Variants in RELN observed in about 807,000 individuals in gnomAD.
The protein encoded by RELN is reelin.
Under a neutral mutation model 427.6 loss-of-function variants are expected in RELN, and 108 were observed. The ratio of observed to expected loss-of-function variants is 0.25; its 90% CI spans 0.22 to 0.30. The LOEUF (loss-of-function observed/expected upper bound fraction) is 0.30, where lower values mean the gene tolerates loss of function less well. RELN is among the 10% of genes least tolerant of loss of function. The pLI is 1.00. For synonymous variants in RELN, 1,524 were observed against 1,513.4 expected (o/e 1.01, Z -0.16); for missense variants, 3,715 against 4,302.8 (o/e 0.86, Z 3.82).
intron 3 of RELN, among the ~76,000 whole-genome samples, chr7:103,821,476 C>T (rs370607147): frequency 1.3e-4 from 20 of 152,282 alleles, no homozygotes; most frequent in South Asian, 6.2e-4. Context: ...CATGTAAGTA[C>T]TGTATTGCTA....
At position 103,626,773 on chromosome 7, in the gene RELN, T is replaced by A. The variant is rs1233366465; in HGVS notation, c.2702+3167A>T. Among the ~76,000 whole-genome samples, 1 of 152,156 alleles carries A rather than the reference T, an allele frequency of 6.6e-6. No homozygotes were observed. Among genetic ancestry groups the A allele is most frequent in the East Asian group, 1.9e-4 (1 of 5,202 alleles). ...TCCCTTGGTATTATCACTAATAGTA[T>A]TAGATGCAATATTTAATAAACTTCA... On this transcript the variant is annotated intron_variant, in intron 20 of 64. Transcript: ENST00000428762. This position sits in a 1 kb window ranked among gnomAD's most constrained non-coding sequence, Gnocchi z 4.4.
intron 1 of RELN, among the ~76,000 whole-genome samples, chr7:103,966,238 T>C (rs2116804711): frequency 6.6e-6 from 1 of 152,356 alleles, no homozygotes; most frequent in East Asian, 1.9e-4. Context: ...CAGTTCTGGC[T>C]CGCAGGTGGC....
intron 3 of RELN, among the ~76,000 whole-genome samples, chr7:103,816,101 A>G (rs934302378): frequency 3.9e-5 from 6 of 152,252 alleles, no homozygotes; most frequent in African/African-American, 1.4e-4. Context: ...TTCACTGGCC[A>G]GGTGCCATGG....
At chr7:103,512,759 G>A (rs940497843) in intron 50 of RELN, 3 of 152,132 alleles carry the variant, frequency 2.0e-5, no homozygotes, top group African/African-American at 7.2e-5. Context: ...AGTATGCTTT[G>A]ATTTTATAGG....
intron 6 of RELN, among the ~76,000 whole-genome samples, chr7:103,744,889 G>A (rs1790775520): frequency 1.3e-5 from 2 of 152,164 alleles, no homozygotes; most frequent in South Asian, 4.1e-4. Context: ...AATAGAAAAA[G>A]AGGGAATCCT....
At chr7:103,538,459 T>C (rs1462926794) in intron 45 of RELN, among the ~76,000 whole-genome samples, 1 of 152,174 alleles carries the variant, frequency 6.6e-6, no homozygotes, top group Non-Finnish European at 1.5e-5. Flanking sequence ...GTGCATGGTA[T>C]GTGTGAGTGT....
chr7:103,840,143 C>A (rs917441411), intron 2 of RELN, among the ~76,000 whole-genome samples: 2 of 152,190 alleles, frequency 1.3e-5, no homozygotes, highest in Non-Finnish European at 2.9e-5. Context: ...AACCTATTTT[C>A]TTTATAAATT....
At chr7:103,489,425 G>A (rs1387188383) in intron 60 of RELN, among the ~76,000 whole-genome samples, 1 of 152,098 alleles carries the variant, frequency 6.6e-6, no homozygotes, top group Non-Finnish European at 1.5e-5. Context: ...GGGGCAGGGA[G>A]TTATATGAAA....
intron 6 of RELN, among the ~76,000 whole-genome samples, chr7:103,740,047 C>G (rs1471445085): frequency 6.6e-6 from 1 of 152,122 alleles, no homozygotes; most frequent in Non-Finnish European, 1.5e-5. Context: ...TCTGCAGGAA[C>G]AGATAGATGG....
chr7:103,487,660 T>C (rs1828492801), intron 60 of RELN, among the ~76,000 whole-genome samples: 1 of 152,202 alleles, frequency 6.6e-6, no homozygotes, highest in South Asian at 2.1e-4. Flanking sequence ...GGGCCTTGAA[T>C]GTTTACCAAT....
Position 103,561,644 on chromosome 7 carries a change from T to C in RELN, c.5417A>G (p.Asp1806Gly). The change falls in exon 36 of 65, where the codon GAC (aspartate) becomes GGC (glycine). Residue 1806 changes from aspartate (D) to glycine (G), a missense_variant. Around this residue, in one of 4 missense-constraint regions of RELN, gnomAD observed 2,208 missense variants for 2,361.7 expected, o/e 0.93. Transcript: ENST00000428762. ...AGGATGTAAATTCCCATTGAAATCG[T>C]CTTTAAGAATCGAGGGCAGAGGAAC... ...PVVPLPSILK[D>G]DFNGNLHPDL... 2 of 1,613,952 alleles carry C rather than the reference T, an allele frequency of 1.2e-6. No homozygotes were observed. Among genetic ancestry groups the C allele is most frequent in the Non-Finnish European group, 1.7e-6 (2 of 1,179,926 alleles).
chr7:103,833,726 A>G, intron 2 of RELN, 54 bp from the exon 3 acceptor site: 4 of 1,505,324 alleles, frequency 2.7e-6, no homozygotes, highest in Non-Finnish European at 3.7e-6. Context: ...AGATCTTCCT[A>G]TCATGGCATC....
At chr7:103,834,513 G>A (rs1793353747) in intron 2 of RELN, among the ~76,000 whole-genome samples, 1 of 152,174 alleles carries the variant, frequency 6.6e-6, no homozygotes, top group Non-Finnish European at 1.5e-5. Flanking sequence ...GCTCCAAGCT[G>A]AGCTATCAGG....
intron 1 of RELN, among the ~76,000 whole-genome samples, chr7:103,949,449 A>G (rs1796289293): frequency 6.6e-6 from 1 of 151,924 alleles, no homozygotes; most frequent in Non-Finnish European, 1.5e-5. Context: ...GGAGGTAATT[A>G]GGTCATAAAC....
chr7:103,786,002 C>T (rs930061215), intron 3 of RELN, among the ~76,000 whole-genome samples: 5 of 151,632 alleles, frequency 3.3e-5, no homozygotes, highest in African/African-American at 1.2e-4. Context: ...TGATTTCTAA[C>T]CTAGTTAATT....
chr7:103,776,488 G>C, intron 4 of RELN, 69 bp downstream of exon 4: 2 of 1,474,682 alleles, frequency 1.4e-6, no homozygotes, highest in African/African-American at 1.4e-5. Context: ...TGCTTACTTG[G>C]TACATAGAAC....
chr7:103,700,240 T>G lies in RELN; in HGVS notation c.902+670A>C, dbSNP rs980977587. Reference sequence around the variant, plus strand: ...CCTAAAATTAAGTATCCATTTAGAATTTTATTTCATGGTTTAAACTGTTCA... The same window carrying G: ...CCTAAAATTAAGTATCCATTTAGAAGTTTATTTCATGGTTTAAACTGTTCA... On this transcript the variant is annotated intron_variant, in intron 9 of 64. Transcript: ENST00000428762. Among the ~76,000 whole-genome samples the G allele has an allele frequency of 2.9e-4, 44 of 152,118 alleles. 1 individual carries two copies. The highest frequency in any genetic ancestry group is 2.9e-3 in the Admixed American group (44 of 15,266).
At chr7:103,476,753 G>T in intron 64 of RELN, 1 of 393,518 alleles carries the variant, frequency 2.5e-6, no homozygotes, top group African/African-American at 2.1e-5. Flanking sequence ...TGGGAATTAG[G>T]GGAATTTTTA....
At chr7:103,830,831 T>C (rs905298047) in intron 3 of RELN, among the ~76,000 whole-genome samples, 1 of 152,006 alleles carries the variant, frequency 6.6e-6, no homozygotes, top group Non-Finnish European at 1.5e-5. Flanking sequence ...GGTTTCAACA[T>C]TATCATGGCT....
Sources: allele counts gnomAD v4.1 joint callset (sites outside exome capture counted in the v4.1 genomes callset), GRCh38; gene constraint gnomAD v4.1.1; regional missense constraint gnomAD v4.1.1; non-coding constraint Gnocchi (gnomAD v3.1); transcripts MANE v1.5; gene names NCBI Gene and HGNC (gene_info 2026-07-23, HGNC 2026-07-21).